Variants in KLHL1 observed in about 807,000 individuals in gnomAD.
The protein encoded by KLHL1 is kelch-like protein 1.
A neutral mutation model predicts 77.7 loss-of-function variants in KLHL1; 47 were observed. The ratio of observed to expected loss-of-function variants is 0.60; its 90% confidence interval spans 0.48 to 0.77. KLHL1 has a LOEUF of 0.77. Ranked by LOEUF, KLHL1 falls within the 30% of genes least tolerant of loss-of-function variation. KLHL1 has a pLI of 0.00. For missense variants in KLHL1, 925 were observed against 910.8 expected (o/e 1.02, Z -0.20); for synonymous variants, 360 against 325.2 (o/e 1.11, Z -1.15).
chr13:70,059,379 A>G (rs1456854862), intron 1 of KLHL1, among the ~76,000 whole-genome samples: 1 of 152,138 alleles, frequency 6.6e-6, no homozygotes, highest in Non-Finnish European at 1.5e-5. Context: ...CATGTTGGCC[A>G]GGCTGGTCTC....
At chr13:69,723,881 TG>T (rs1324043205) in intron 8 of KLHL1, among the ~76,000 whole-genome samples, 1 of 151,462 alleles carries the variant, frequency 6.6e-6, no homozygotes, top group African/African-American at 2.4e-5. Context: ...CTTGCTTTTT[TG>T]CCCAGGCTGG....
intron 3 of KLHL1, among the ~76,000 whole-genome samples, chr13:69,942,004 G>C (rs1400522572): frequency 6.6e-6 from 1 of 151,902 alleles, no homozygotes; most frequent in African/African-American, 2.4e-5. Context: ...GGGAGTCAAA[G>C]CTCAATTCTA....
Position 69,735,033 on chromosome 13 carries a change from TAAAG to T in KLHL1, c.1802+5357_1802+5360del, listed in dbSNP as rs548156679. On this transcript the variant is annotated intron_variant, in intron 8 of 10. Coordinates refer to ENST00000377844, the MANE Select transcript of KLHL1 (RefSeq NM_020866.3). ...TAGCTGGAATATGGAATGCAAAAAT[TAAAG>T]AATTAATGCAATATGAGCAAGTAGG... is the stretch of plus-strand genomic sequence containing the variant. Among the ~76,000 whole-genome samples the T allele has an allele frequency of 2.6e-5, 4 of 152,172 alleles. No homozygotes were observed. In the South Asian group the frequency reaches 8.3e-4, roughly 32 times the overall value.
At chr13:69,903,630 CTTTTTTTTTTTTT>C (rs35761520) in intron 4 of KLHL1, among the ~76,000 whole-genome samples, 1,359 of 50,230 alleles carry the variant, frequency 0.027, 26 homozygotes, top group Middle Eastern at 0.16. Flanking sequence ...TGTTCACATT[CTTTTTTTTTTTTT>C]TTTTTTTTTT....
intron 7 of KLHL1, among the ~76,000 whole-genome samples, chr13:69,747,289 A>T (rs1318973041): frequency 1.9e-4 from 29 of 152,036 alleles, no homozygotes; most frequent in Admixed American, 1.4e-3. Context: ...ACATTAGATA[A>T]TGTAATATAA....
chr13:70,028,403 T>C (rs1022351384), intron 1 of KLHL1, among the ~76,000 whole-genome samples: 12 of 152,100 alleles, frequency 7.9e-5, no homozygotes, highest in African/African-American at 2.9e-4. Flanking sequence ...TATGAGCACA[T>C]AGAACTGTTT....
chr13:70,042,038 AT>A (rs2137380485), intron 1 of KLHL1, among the ~76,000 whole-genome samples: 1 of 151,940 alleles, frequency 6.6e-6, no homozygotes, highest in South Asian at 2.1e-4. Flanking sequence ...AGACTTTCTC[AT>A]TTCTAGTCTT....
At chr13:69,803,855 G>A (rs971628192) in intron 6 of KLHL1, among the ~76,000 whole-genome samples, 1 of 152,148 alleles carries the variant, frequency 6.6e-6, no homozygotes, top group African/African-American at 2.4e-5. Flanking sequence ...ACAACCACAA[G>A]GAATACATTT....
intron 7 of KLHL1, among the ~76,000 whole-genome samples, chr13:69,794,453 C>A (rs1877012241): frequency 6.7e-6 from 1 of 149,120 alleles, no homozygotes; most frequent in Non-Finnish European, 1.5e-5. Flanking sequence ...GAGAAAGAAA[C>A]AGAGCATCTT....
intron 8 of KLHL1, among the ~76,000 whole-genome samples, chr13:69,734,649 T>C (rs982775630): frequency 1.3e-5 from 2 of 151,996 alleles, no homozygotes; most frequent in African/African-American, 2.4e-5. Context: ...TTAGTGATAA[T>C]ACTAACAGAG....
chr13:69,856,721 T>C (rs1879934694), intron 5 of KLHL1, among the ~76,000 whole-genome samples: 1 of 152,126 alleles, frequency 6.6e-6, no homozygotes, highest in Admixed American at 6.6e-5. Flanking sequence ...AACTTCTGTA[T>C]TTTTTGTCCT....
chr13:70,101,429 A>G (rs1009500927), intron 1 of KLHL1, among the ~76,000 whole-genome samples: 2 of 151,744 alleles, frequency 1.3e-5, no homozygotes, highest in African/African-American at 4.8e-5. Flanking sequence ...AGCCGTATAT[A>G]TATATAATTT....
intron 1 of KLHL1, among the ~76,000 whole-genome samples, chr13:70,033,786 A>AT (rs990194940): frequency 2.0e-5 from 3 of 151,454 alleles, no homozygotes; most frequent in Admixed American, 6.6e-5. Flanking sequence ...CAGCCGGCTA[A>AT]TTTTTTTATT....
At chr13:69,961,642 T>C (rs1884067990) in intron 2 of KLHL1, among the ~76,000 whole-genome samples, 198 bp from the exon 3 acceptor site, 1 of 152,096 alleles carries the variant, frequency 6.6e-6, no homozygotes, top group Non-Finnish European at 1.5e-5. Flanking sequence ...AGCATTCTCA[T>C]ACATTTTCTT....
chr13:70,065,141 T>C (rs534858081), intron 1 of KLHL1, among the ~76,000 whole-genome samples: 24 of 152,302 alleles, frequency 1.6e-4, no homozygotes, highest in African/African-American at 5.3e-4. Flanking sequence ...TACTTGAATA[T>C]TGGCCTAACC....
At chr13:69,949,088 G>C (rs1883621729) in intron 3 of KLHL1, among the ~76,000 whole-genome samples, 1 of 151,622 alleles carries the variant, frequency 6.6e-6, no homozygotes, top group Admixed American at 6.6e-5. Context: ...ACATATAACT[G>C]TTTCCCCCAT....
intron 6 of KLHL1, among the ~76,000 whole-genome samples, chr13:69,819,810 G>A (rs1243218981): frequency 6.6e-6 from 1 of 152,076 alleles, no homozygotes; most frequent in African/African-American, 2.4e-5. Context: ...AGAGCAACGT[G>A]ATAATAAAAT....
chr13:70,086,601 AGAAAGAAAGAAAGAAAGAAAG>A (rs1887547770), intron 1 of KLHL1, among the ~76,000 whole-genome samples: 2 of 39,274 alleles, frequency 5.1e-5, no homozygotes, highest in African/African-American at 1.8e-4. Flanking sequence ...AAAGAAAGAA[AGAAAGAAAGAAAGAAAGAAAG>A]AAAGAAAGAA....
intron 1 of KLHL1, among the ~76,000 whole-genome samples, chr13:70,097,832 C>CA (rs969276523): frequency 3.3e-4 from 49 of 148,710 alleles, no homozygotes; most frequent in African/African-American, 1.1e-3. Context: ...CTTAAAAATT[C>CA]AAAAAACATT....
Sources: allele counts gnomAD v4.1 joint callset (sites outside exome capture counted in the v4.1 genomes callset), GRCh38; gene constraint gnomAD v4.1.1; transcripts MANE v1.5; gene names NCBI Gene and HGNC (gene_info 2026-07-23, HGNC 2026-07-21).